The following BDP1 variants were observed in gnomAD, a reference collection of about 807,000 sequenced individuals.
BDP1 encodes the protein BDP1 general transcription factor IIIB subunit.
BDP1 carries 169 observed loss-of-function variants against 266.6 expected under a neutral mutation model. The observed-to-expected ratio is 0.63, with a 90% confidence interval of 0.56 to 0.72. The LOEUF is 0.72. Ranked by LOEUF, BDP1 falls within the 30% of genes least tolerant of loss-of-function variation. BDP1 has a pLI of 0.00. For synonymous variants in BDP1, 1,090 were observed against 1,022.4 expected (o/e 1.07, Z -1.26); for missense variants, 3,015 against 3,053.8 (o/e 0.99, Z 0.30).
intron 38 of BDP1, 124 bp from the exon 39 acceptor site, chr5:71,564,630 T>C (rs1466026783): frequency 1.2e-6 from 1 of 820,518 alleles, no homozygotes; most frequent in Non-Finnish European, 1.8e-6. Context: ...TAAAGCTCAA[T>C]ATTTATTGCC....
At chr5:71,551,947 G>C (rs1440526795) in intron 34 of BDP1, among the ~76,000 whole-genome samples, 2 of 147,800 alleles carry the variant, frequency 1.4e-5, no homozygotes, top group Non-Finnish European at 3.0e-5. Flanking sequence ...TGGCCGGGCG[G>C]GGGGCTGACC....
rs114258677 is a variant in BDP1 at position 71,495,438 on chromosome 5, A to G, written c.1799+30A>G. ...GTATTTTATACGATAGGATTTATTTATAAAATTTTGATAAGGTTCTTAAAT... is the reference window on the plus strand; with the variant it reads ...GTATTTTATACGATAGGATTTATTTGTAAAATTTTGATAAGGTTCTTAAAT... On this transcript the variant is annotated intron_variant, in intron 12 of 38. Coordinates refer to ENST00000358731, the MANE Select transcript of BDP1 (RefSeq NM_018429.3). 655 of 1,479,908 alleles carry G rather than the reference A, an allele frequency of 4.4e-4. 2 individuals are homozygous for G. In the African/African-American group the frequency reaches 8.3e-3, roughly 19 times the overall value. 91.7% of individuals were successfully genotyped at this position (1,479,908 alleles called of 1,614,324 possible).
chr5:71,463,528 A>G (rs1346796886), intron 3 of BDP1, among the ~76,000 whole-genome samples: 2 of 152,138 alleles, frequency 1.3e-5, no homozygotes, highest in Non-Finnish European at 2.9e-5. Flanking sequence ...GTTAGAGGAT[A>G]AGAACATTCT....
At chr5:71,573,423 C>G in the BDP1 span, among the ~76,000 whole-genome samples, 1 of 152,088 alleles carries the variant, frequency 6.6e-6, no homozygotes, top group African/African-American at 2.4e-5. Flanking sequence ...TTTCCTATTT[C>G]CATAAGACCT....
Position 71,532,291 on chromosome 5 carries a change from A to T in BDP1, c.5773-17A>T. Reference sequence around the variant, plus strand: ...TATAATATGCCAAAATGAAATGATAAAACTTTATTTTGACAGCTTGAAATA... The same window carrying T: ...TATAATATGCCAAAATGAAATGATATAACTTTATTTTGACAGCTTGAAATA... On this transcript the variant is annotated splice_polypyrimidine_tract_variant and intron_variant, in intron 25 of 38. Coordinates refer to ENST00000358731, the MANE Select transcript of BDP1 (RefSeq NM_018429.3). 6.2e-7 allele frequency: 1 copy of T among 1,610,892 alleles called. No individual in the cohort carries two copies. Among genetic ancestry groups the T allele is most frequent in the African/African-American group, 1.3e-5 (1 of 74,996 alleles).
At chr5:71,527,575 G>A (rs927304448) in intron 25 of BDP1, among the ~76,000 whole-genome samples, 2 of 151,982 alleles carry the variant, frequency 1.3e-5, no homozygotes, top group African/African-American at 4.8e-5. Context: ...GTTCATCTAT[G>A]TTGTAGCTTA....
At chr5:71,480,006 G>A (rs1176504302) in intron 7 of BDP1, among the ~76,000 whole-genome samples, 4 of 151,802 alleles carry the variant, frequency 2.6e-5, no homozygotes, top group South Asian at 4.2e-4. Context: ...GTATAGTGGC[G>A]TGATCTTGGC....
the BDP1 span, among the ~76,000 whole-genome samples, chr5:71,573,750 C>G: frequency 6.6e-6 from 1 of 152,188 alleles, no homozygotes; most frequent in Non-Finnish European, 1.5e-5. Context: ...GGCCCTTATT[C>G]AGACCTGGAA....
At chr5:71,530,821 T>C (rs1431934343) in intron 25 of BDP1, among the ~76,000 whole-genome samples, 4 of 152,176 alleles carry the variant, frequency 2.6e-5, no homozygotes, top group African/African-American at 9.6e-5. Context: ...CTCATGCCCA[T>C]AGTCCCAGCA....
rs376984214 is a variant in BDP1, at chr5:71,530,408, T to A, written c.5773-1900T>A. Among the ~76,000 whole-genome samples the A allele has an allele frequency of 1.6e-4, 25 of 151,878 alleles. 1 individual carries two copies. The highest frequency in any genetic ancestry group is 4.8e-4 in the African/African-American group (20 of 41,414). On this transcript the variant is annotated intron_variant, in intron 25 of 38. Transcript: ENST00000358731. ...CAACCACCACACCCGGCTAATTTTT[T>A]TTTTATTTTATTTTCAATAGAGATG...
chr5:71,572,292 G>T (rs906267474), downstream of BDP1, among the ~76,000 whole-genome samples: 3 of 151,404 alleles, frequency 2.0e-5, no homozygotes, highest in Non-Finnish European at 4.4e-5. Context: ...CTTTATTCCC[G>T]CATTCATCCC....
At chr5:71,519,334 C>G (rs1268177366) in intron 22 of BDP1, among the ~76,000 whole-genome samples, 2 of 152,150 alleles carry the variant, frequency 1.3e-5, no homozygotes, top group Admixed American at 6.6e-5. Context: ...AATTTTCTAG[C>G]TATTTTGAAA....
chr5:71,500,409 C>A (rs1272486588), intron 13 of BDP1, among the ~76,000 whole-genome samples: 2 of 149,174 alleles, frequency 1.3e-5, no homozygotes, highest in Non-Finnish European at 3.0e-5. Context: ...ACAGCAACCT[C>A]CGCCTCCTGG....
intron 16 of BDP1, among the ~76,000 whole-genome samples, chr5:71,506,774 A>T (rs1224761417): frequency 7.5e-6 from 1 of 132,972 alleles, no homozygotes; most frequent in African/African-American, 2.8e-5. Context: ...ATATATATAT[A>T]TATATATTTG....
chr5:71,503,539 CA>C (rs988426184), intron 15 of BDP1, among the ~76,000 whole-genome samples: 31 of 152,222 alleles, frequency 2.0e-4, no homozygotes, highest in African/African-American at 7.5e-4. Flanking sequence ...TTGGCTTAAA[CA>C]GCATAAAGTG....
At chr5:71,463,277 G>A (rs773381547) in intron 3 of BDP1, among the ~76,000 whole-genome samples, 9 of 152,156 alleles carry the variant, frequency 5.9e-5, no homozygotes, top group Non-Finnish European at 8.8e-5. Flanking sequence ...GTTAGCCTGG[G>A]GTTTCTGAGG....
At chr5:71,488,820 G>A (rs1331637892) in intron 9 of BDP1, among the ~76,000 whole-genome samples, 2 of 151,772 alleles carry the variant, frequency 1.3e-5, no homozygotes, top group Non-Finnish European at 2.9e-5. Context: ...TGATTCTCCT[G>A]CCTCAGCCTC....
chr5:71,477,874 C>T (rs1337844825), intron 7 of BDP1, among the ~76,000 whole-genome samples: 3 of 152,138 alleles, frequency 2.0e-5, no homozygotes, highest in Admixed American at 2.0e-4. Flanking sequence ...CCGCCTCAGC[C>T]TCCCAGAGTG....
chr5:71,529,014 G>C (rs1287651183), intron 25 of BDP1, among the ~76,000 whole-genome samples: 1 of 152,092 alleles, frequency 6.6e-6, no homozygotes, highest in Admixed American at 6.6e-5. Context: ...CATAGTAATT[G>C]ACAAGGCTTT....
Sources: allele counts gnomAD v4.1 joint callset (sites outside exome capture counted in the v4.1 genomes callset), GRCh38; gene constraint gnomAD v4.1.1; transcripts MANE v1.5; gene names NCBI Gene and HGNC (gene_info 2026-07-23, HGNC 2026-07-21).